Variants in MTRR observed in about 807,000 individuals in gnomAD.
The protein encoded by MTRR is 5-methyltetrahydrofolate-homocysteine methyltransferase reductase.
Under a neutral mutation model 79.2 loss-of-function variants are expected in MTRR, and 63 were observed. The observed-to-expected ratio is 0.80, with a 90% CI of 0.65 to 0.98. MTRR has a LOEUF of 0.98. MTRR is among the 50% of genes least tolerant of loss of function. The probability of loss-of-function intolerance (pLI) is 0.00; values close to 1 mark genes in which losing one functional copy is unlikely to be tolerated. For synonymous variants in MTRR, 355 were observed against 313.3 expected, an observed-to-expected ratio of 1.13 and a Z score of -1.41; for missense variants, 895 against 839.6, an observed-to-expected ratio of 1.07 and a Z score of -0.82.
chr5:7,885,769 A>G lies in MTRR; in HGVS notation c.972A>G (p.Val324=). The part of the protein sequence containing the change: ...SVICPNSDSE[V]QSLLQRLQLE... ...TCTGCCCTAACAGTGATTCTGAGGT[A>G]CAAAGCCTACTCCAAAGACTGCAGC... Residue 324 remains valine (V), a synonymous_variant, in exon 7 of 15, where the codon GTA becomes GTG. Transcript: ENST00000440940. 6.2e-7 allele frequency: 1 copy of G among 1,613,962 alleles called. No homozygotes were observed. Among genetic ancestry groups the G allele is most frequent in the South Asian group, 1.1e-5 (1 of 91,076 alleles).
chr5:7,885,759 A>G lies in MTRR; in HGVS notation c.962A>G (p.Asp321Gly). ...DAFSVICPNS[D>G]SEVQSLLQRL... ...TTCAGCGTGATCTGCCCTAACAGTG[A>G]TTCTGAGGTACAAAGCCTACTCCAA... The change falls in exon 7 of 15, where the codon GAT becomes GGT. Residue 321 changes from aspartate to glycine, a missense_variant. Coordinates refer to ENST00000440940, the MANE Select transcript of MTRR (RefSeq NM_002454.3). 1 of 1,613,574 alleles carries G rather than the reference A, an allele frequency of 6.2e-7. No homozygotes were observed. The highest frequency in any genetic ancestry group is 8.5e-7 in the Non-Finnish European group (1 of 1,179,948).
chr5:7,860,449 CAG>C (rs1746458029), intron 1 of MTRR, among the ~76,000 whole-genome samples: 1 of 152,118 alleles, frequency 6.6e-6, no homozygotes, highest in Non-Finnish European at 1.5e-5. Flanking sequence ...GAAATTAAAA[CAG>C]AACATATATT....
At chr5:7,899,872 A>C (rs1204523131) in intron 14 of MTRR, 42 bp from the exon 15 acceptor site, 6 of 1,613,214 alleles carry the variant, frequency 3.7e-6, no homozygotes, top group Admixed American at 1.7e-5. Flanking sequence ...TTTACTAAAA[A>C]TGCCTGTTTG....
At chr5:7,888,499 G>T (rs975205500) in intron 8 of MTRR, among the ~76,000 whole-genome samples, 4 of 150,956 alleles carry the variant, frequency 2.6e-5, no homozygotes, top group South Asian at 2.2e-4. Context: ...CGTTGTTTTT[G>T]GTCAATGCTG....
chr5:7,854,201 G>C (rs1746158304), intron 1 of MTRR, among the ~76,000 whole-genome samples: 1 of 152,020 alleles, frequency 6.6e-6, no homozygotes, highest in South Asian at 2.1e-4. Flanking sequence ...CGGAGAAGGG[G>C]AGGATGAAAG....
chr5:7,856,951 C>T (rs1007274659), intron 1 of MTRR: 11 of 151,366 alleles, frequency 7.3e-5, no homozygotes, highest in Non-Finnish European at 1.0e-4. Flanking sequence ...TCCACAGCTC[C>T]TGCCTGCCTG....
intron 8 of MTRR, among the ~76,000 whole-genome samples, chr5:7,887,793 CATATATATATATAT>C (rs372829698): frequency 0.31 from 28,981 of 92,182 alleles, 4,133 homozygotes; most frequent in South Asian, 0.37. Flanking sequence ...TGTGTGTGTG[CATATATATATATAT>C]ATATATATAT....
chr5:7,870,896 T>A lies in MTRR; in HGVS notation c.102T>A (p.Asp34Glu), dbSNP rs2126645373. 6.2e-7 allele frequency: 1 copy of A among 1,614,264 alleles called. No homozygotes were observed. ...EQAVVHGFSADLHCISESDKY... is the reference protein window; with the variant it reads ...EQAVVHGFSAELHCISESDKY... ...CTGTGGTACATGGATTTTCTGCAGA[T>A]CTTCACTGTATTAGTGAATCCGATA... Residue 34 changes from aspartate (D) to glutamate (E), a missense_variant, in exon 2 of 15, where the codon GAT (aspartate) becomes GAA (glutamate). Transcript: ENST00000440940.
At chr5:7,889,005 G>C in intron 8 of MTRR, 90 bp from the exon 9 acceptor site, 1 of 1,461,404 alleles carries the variant, frequency 6.8e-7, no homozygotes, top group South Asian at 1.2e-5. Context: ...TTGGGTAATT[G>C]GGTGCATCCC....
Position 7,895,860 on chromosome 5 carries a change from C to CT in MTRR, c.1676+15dup. On this transcript the variant is annotated intron_variant, in intron 12 of 14. Transcript: ENST00000440940. The stretch of plus-strand genomic sequence containing the variant: ...TGGGTTCCTACAACATAGGTATGTT[C>CT]TTTTTTTGGCTAATGGGAAAATGTA... 8 of 1,613,798 alleles carry CT rather than the reference C, an allele frequency of 5.0e-6. No individual in the cohort carries two copies. Among genetic ancestry groups the CT allele is most frequent in the Non-Finnish European group, 6.8e-6 (8 of 1,179,848 alleles).
chr5:7,896,825 T>C (rs1436491450), intron 12 of MTRR, 39 bp from the exon 13 acceptor site: 1 of 1,532,946 alleles, frequency 6.5e-7, no homozygotes, highest in Admixed American at 1.7e-5. Flanking sequence ...TTACATATTC[T>C]TTATATCACA....
At chr5:7,861,922 T>C in intron 1 of MTRR, 1 of 364,606 alleles carries the variant, frequency 2.7e-6, no homozygotes, top group African/African-American at 2.1e-5. Context: ...ACAAGAACCA[T>C]GCATGCTTTC....
chr5:7,861,723 T>C, intron 1 of MTRR: 1 of 1,544,344 alleles, frequency 6.5e-7, no homozygotes, highest in Non-Finnish European at 8.7e-7. Context: ...TATTCATTCC[T>C]TTGCTTTGCT....
At chr5:7,870,041 G>A (rs993740481) in intron 1 of MTRR, 2 of 985,252 alleles carry the variant, frequency 2.0e-6, no homozygotes, top group East Asian at 1.1e-4. Flanking sequence ...CGTTAGATGA[G>A]TATGGAAAAA....
intron 4 of MTRR, among the ~76,000 whole-genome samples, chr5:7,876,058 T>C (rs990218967): frequency 6.6e-6 from 1 of 152,254 alleles, no homozygotes; most frequent in African/African-American, 2.4e-5. Context: ...CCTTAATTTT[T>C]TTCTAGTAGG....
chr5:7,888,582 C>G (rs920800416), intron 8 of MTRR, among the ~76,000 whole-genome samples: 1 of 151,920 alleles, frequency 6.6e-6, no homozygotes, highest in Non-Finnish European at 1.5e-5. Flanking sequence ...TTCAGCCAAA[C>G]CTTTGGAAAC....
intron 1 of MTRR, among the ~76,000 whole-genome samples, chr5:7,853,448 C>T (rs1746136656): frequency 6.6e-6 from 1 of 152,140 alleles, no homozygotes; most frequent in African/African-American, 2.4e-5. Flanking sequence ...TGAGAACAAA[C>T]TTATACAGAT....
upstream of MTRR, chr5:7,868,103 G>C: frequency 6.8e-7 from 1 of 1,464,090 alleles, no homozygotes; most frequent in Non-Finnish European, 9.2e-7. Flanking sequence ...TTCTCAATTT[G>C]ATAACTAAAT....
intron 3 of MTRR, among the ~76,000 whole-genome samples, chr5:7,874,298 A>G (rs1393022748): frequency 1.3e-5 from 2 of 152,226 alleles, no homozygotes; most frequent in African/African-American, 2.4e-5. Context: ...GTTGAGTATA[A>G]TAAATAACTG....
Sources: gnomAD v4.1 joint callset for allele counts (sites outside exome capture counted in the v4.1 genomes callset) on GRCh38, gnomAD v4.1.1 for gene constraint, MANE v1.5 for transcripts, NCBI Gene and HGNC (gene_info 2026-07-23, HGNC 2026-07-21) for gene names.